Variants in NDC80 observed in about 807,000 individuals in gnomAD.
NDC80 encodes the protein NDC80 kinetochore complex component, also known as kinetochore protein NDC80 homolog.
NDC80 carries 69 observed loss-of-function variants against 89.3 expected under a neutral mutation model. The ratio of observed to expected loss-of-function variants is 0.77; its 90% CI spans 0.64 to 0.94. The LOEUF is 0.94. Among genes scored for constraint, NDC80 ranks in the 40% least tolerant of loss-of-function variants. The probability of loss-of-function intolerance (pLI) is 0.00; values close to 1 mark genes in which losing one functional copy is unlikely to be tolerated. For synonymous variants in NDC80, 243 were observed against 255.6 expected (o/e 0.95, Z 0.47); for missense variants, 593 against 739.6 (o/e 0.80, Z 2.30).
In NDC80 at chr18:2,583,045, C is replaced by T. The variant is rs1234853973; in HGVS notation, c.580-2068C>T. Among the ~76,000 whole-genome samples, 4 of 152,182 alleles carry T rather than the reference C, an allele frequency of 2.6e-5. No homozygotes were observed. In the East Asian group the frequency reaches 7.7e-4, roughly 29 times the overall value. ...ACTTGGACCTGACTTATCCCAGATC[C>T]CTCTGTGTCCTTTTCCTCCTCTGAT... On this transcript the variant is annotated intron_variant, in intron 6 of 16. Transcript: ENST00000261597.
chr18:2,587,030 G>T (rs942268420), intron 7 of NDC80, among the ~76,000 whole-genome samples: 1 of 152,128 alleles, frequency 6.6e-6, no homozygotes, highest in African/African-American at 2.4e-5. Flanking sequence ...GAAGGAGAAT[G>T]AAAATGTATT....
rs1311351484 is a variant in NDC80 at position 2,589,840 on chromosome 18, T to A, written c.871-178T>A. Reference sequence around the variant, plus strand: ...CCCTAGCAATTGTGGTTTTTTTTTTTTTCTATTTCAAACTGACAGTGTAGT... The same window carrying A: ...CCCTAGCAATTGTGGTTTTTTTTTTATTCTATTTCAAACTGACAGTGTAGT... On this transcript the variant is annotated intron_variant, in intron 9 of 16. Transcript: ENST00000261597. Among the ~76,000 whole-genome samples the A allele has an allele frequency of 3.3e-5, 5 of 151,956 alleles. 1 individual carries two copies. Among genetic ancestry groups the A allele is most frequent in the African/African-American group, 4.8e-5 (2 of 41,354 alleles).
intron 6 of NDC80, among the ~76,000 whole-genome samples, chr18:2,581,032 G>T (rs180839505): frequency 6.6e-6 from 1 of 151,826 alleles, no homozygotes; most frequent in African/African-American, 2.4e-5. Flanking sequence ...GAGCCACCAC[G>T]CCCGGCCCTC....
rs371587571 is a variant in NDC80, at chr18:2,603,380, C to A, written c.1464+1895C>A. Among the ~76,000 whole-genome samples, 370 of 95,274 alleles carry A rather than the reference C, an allele frequency of 3.9e-3. 8 individuals are homozygous for A. The highest frequency in any genetic ancestry group is 0.017 in the African/African-American group (350 of 20,870). The allele number at this position is 95,274 out of a possible 152,430, so 62.5% of individuals were successfully genotyped here. A position where few individuals can be genotyped will look rare whatever the true frequency, so the allele number is the denominator to read the frequency against. On this transcript the variant is annotated intron_variant, in intron 13 of 16. Transcript: ENST00000261597. ...ACATATATATATATATATATATATA[C>A]ACCTATGTAATATATATAAGCCAAA...
chr18:2,612,857 A>G (rs1050801140), intron 16 of NDC80, among the ~76,000 whole-genome samples: 1 of 152,236 alleles, frequency 6.6e-6, no homozygotes, highest in African/African-American at 2.4e-5. Context: ...AATTCTTAAT[A>G]GCTTTCATAA....
chr18:2,608,280 A>G (rs1268907968), intron 14 of NDC80, among the ~76,000 whole-genome samples: 1 of 151,690 alleles, frequency 6.6e-6, no homozygotes, highest in African/African-American at 2.4e-5. Context: ...GTCTCAGCTC[A>G]CTGCAACCTC....
At chr18:2,604,052 C>CT (rs1444938052) in intron 13 of NDC80, among the ~76,000 whole-genome samples, 67 of 152,170 alleles carry the variant, frequency 4.4e-4, no homozygotes, top group African/African-American at 1.4e-3. Flanking sequence ...ATATTTGAAA[C>CT]TGAAATTTAT....
In NDC80 at chr18:2,577,869, G is replaced by C; in HGVS notation, c.303G>C (p.Glu101Asp). The stretch of plus-strand genomic sequence containing the variant: ...AGCAGTGTATTCGACAACTCTGTGA[G>C]GTACTTTAGGATTTTAATCTAAACT... ...FIQQCIRQLC[E>D]FLTENGYAHN... Residue 101 changes from glutamate (E) to aspartate (D), a missense_variant and splice_region_variant, in exon 4 of 17, where the codon GAG (glutamate) becomes GAC (aspartate). Transcript: ENST00000261597. The C allele has an allele frequency of 6.2e-7, 1 of 1,613,292 alleles. No homozygotes were observed. The highest frequency in any genetic ancestry group is 8.5e-7 in the Non-Finnish European group (1 of 1,179,686).
At chr18:2,612,991 A>G (rs558543027) in intron 16 of NDC80, among the ~76,000 whole-genome samples, 7 of 152,310 alleles carry the variant, frequency 4.6e-5, no homozygotes, top group African/African-American at 1.7e-4. Context: ...GAAAACAGAG[A>G]GGGGGGTTTA....
At chr18:2,603,909 G>C (rs2072697257) in intron 13 of NDC80, among the ~76,000 whole-genome samples, 1 of 152,074 alleles carries the variant, frequency 6.6e-6, no homozygotes, top group African/African-American at 2.4e-5. Flanking sequence ...AATTATCATA[G>C]AGCATAAAGA....
intron 13 of NDC80, among the ~76,000 whole-genome samples, chr18:2,605,550 A>G (rs192576410): frequency 2.0e-3 from 300 of 152,242 alleles, no homozygotes; most frequent in African/African-American, 6.8e-3. Flanking sequence ...TAGTTACTGC[A>G]GATATAACAT....
At chr18:2,600,475 G>A (rs2072678674) in intron 12 of NDC80, among the ~76,000 whole-genome samples, 2 of 152,022 alleles carry the variant, frequency 1.3e-5, no homozygotes, top group Admixed American at 6.6e-5. Context: ...CGGGTGTGGT[G>A]GTGCACACCT....
intron 15 of NDC80, among the ~76,000 whole-genome samples, chr18:2,609,609 C>T (rs188977801): frequency 6.6e-6 from 1 of 152,106 alleles, no homozygotes; most frequent in African/African-American, 2.4e-5. Flanking sequence ...ATACATAATG[C>T]TACAATAAAT....
chr18:2,589,829 G>GTT (rs55792141), intron 9 of NDC80, among the ~76,000 whole-genome samples, 189 bp from the exon 10 acceptor site: 2 of 130,774 alleles, frequency 1.5e-5, no homozygotes, highest in African/African-American at 3.7e-5. Context: ...AGCAATTGTG[G>GTT]TTTTTTTTTT....
intron 16 of NDC80, among the ~76,000 whole-genome samples, chr18:2,611,404 T>C (rs1174204252): frequency 6.6e-6 from 1 of 152,198 alleles, no homozygotes; most frequent in Non-Finnish European, 1.5e-5. Context: ...CATATGATGT[T>C]ATGTATTACA....
Position 2,589,259 on chromosome 18 carries a change from A to C in NDC80, c.819A>C (p.Arg273Ser). 1 of 1,613,980 alleles carries C rather than the reference A, an allele frequency of 6.2e-7. No homozygotes were observed. Among genetic ancestry groups the C allele is most frequent in the Non-Finnish European group, 8.5e-7 (1 of 1,179,856 alleles). The change falls in exon 9 of 17, where the codon AGA becomes AGC. Residue 273 changes from arginine (R) to serine (S), a missense_variant. Transcript: ENST00000261597. ...FKLESLEAKNRALNEQIARLE... is the reference protein window; with the variant it reads ...FKLESLEAKNSALNEQIARLE... Reference sequence around the variant, plus strand: ...TGGAATCATTAGAAGCAAAAAACAGAGCATTGAATGAACAGATTGCAAGAT... The same window carrying C: ...TGGAATCATTAGAAGCAAAAAACAGCGCATTGAATGAACAGATTGCAAGAT...
At chr18:2,610,095 A>C (rs976354139) in intron 15 of NDC80, among the ~76,000 whole-genome samples, 7 of 152,220 alleles carry the variant, frequency 4.6e-5, no homozygotes, top group Non-Finnish European at 8.8e-5. Flanking sequence ...ACTATATAAT[A>C]ACTACAACTA....
At chr18:2,588,484 G>A (rs1280087543) in intron 8 of NDC80, among the ~76,000 whole-genome samples, 1 of 151,352 alleles carries the variant, frequency 6.6e-6, no homozygotes, top group Non-Finnish European at 1.5e-5. Flanking sequence ...ACATTCCAGA[G>A]GTATTATTTT....
chr18:2,591,151 T>A (rs1444576920), intron 10 of NDC80, among the ~76,000 whole-genome samples: 1 of 152,034 alleles, frequency 6.6e-6, no homozygotes, highest in Non-Finnish European at 1.5e-5. Flanking sequence ...AAATCAAAAT[T>A]AAAGCTGCAA....
Sources: gnomAD v4.1 joint callset for allele counts (sites outside exome capture counted in the v4.1 genomes callset) on GRCh38, gnomAD v4.1.1 for gene constraint, MANE v1.5 for transcripts, NCBI Gene and HGNC (gene_info 2026-07-23, HGNC 2026-07-21) for gene names.